SCHIP1: variants seen among roughly 807,000 people sequenced by gnomAD.
The protein encoded by SCHIP1 is schwannomin-interacting protein 1.
A neutral mutation model predicts 29.7 loss-of-function variants in SCHIP1; 8 were observed. That is an observed-to-expected ratio of 0.27 (90% confidence interval 0.16 to 0.49). The LOEUF (loss-of-function observed/expected upper bound fraction) is 0.49. Ranked by LOEUF, SCHIP1 falls within the 20% of genes least tolerant of loss-of-function variation. SCHIP1 has a pLI of 0.99. For synonymous variants in SCHIP1, 76 were observed against 94.9 expected, an observed-to-expected ratio of 0.80 and a Z score of 1.16; for missense variants, 193 against 294.6, an observed-to-expected ratio of 0.66 and a Z score of 2.52.
At chr3:159,367,139 A>C in the SCHIP1 span, among the ~76,000 whole-genome samples, 1 of 152,092 alleles carries the variant, frequency 6.6e-6, no homozygotes, top group Non-Finnish European at 1.5e-5. Flanking sequence ...TCTCTTTAAG[A>C]GCCTCCAGGT....
the SCHIP1 span, among the ~76,000 whole-genome samples, chr3:159,424,265 T>C: frequency 6.6e-6 from 1 of 151,790 alleles, no homozygotes; most frequent in Non-Finnish European, 1.5e-5. Context: ...AAATTCAAAC[T>C]AAAGGCAAAG....
chr3:159,377,993 A>AG, the SCHIP1 span, among the ~76,000 whole-genome samples: 1 of 152,212 alleles, frequency 6.6e-6, no homozygotes, highest in African/African-American at 2.4e-5. Flanking sequence ...GCCAGAAAAT[A>AG]GGATAGGCTT....
chr3:159,695,813 A>G, the SCHIP1 span, among the ~76,000 whole-genome samples: 3 of 152,224 alleles, frequency 2.0e-5, no homozygotes, highest in East Asian at 5.8e-4. Flanking sequence ...AGAGACCACT[A>G]TCCATATAAT....
At chr3:159,561,166 G>C in the SCHIP1 span, among the ~76,000 whole-genome samples, 5 of 152,112 alleles carry the variant, frequency 3.3e-5, no homozygotes, top group African/African-American at 1.2e-4. Flanking sequence ...ATCAGACTAG[G>C]GTCATTATTT....
At chr3:159,522,572 C>T in the SCHIP1 span, among the ~76,000 whole-genome samples, 1 of 152,178 alleles carries the variant, frequency 6.6e-6, no homozygotes, top group Non-Finnish European at 1.5e-5. Flanking sequence ...CTGTGGTTAA[C>T]ATAAAACAGC....
the SCHIP1 span, among the ~76,000 whole-genome samples, chr3:159,668,095 T>C: frequency 0.089 from 13,471 of 151,938 alleles, 1,763 homozygotes; most frequent in African/African-American, 0.28. Flanking sequence ...CCCGGCCAGG[T>C]ACAGTGGCTC....
chr3:159,587,286 A>C, the SCHIP1 span, among the ~76,000 whole-genome samples: 1 of 152,164 alleles, frequency 6.6e-6, no homozygotes, highest in Non-Finnish European at 1.5e-5. Context: ...TTTTCTTTTA[A>C]ACGAAAGTAT....
At chr3:159,782,924 C>G in the SCHIP1 span, among the ~76,000 whole-genome samples, 14 of 152,320 alleles carry the variant, frequency 9.2e-5, no homozygotes, top group African/African-American at 2.9e-4. Flanking sequence ...GTCCTGAAAT[C>G]ACATCTAGCG....
the SCHIP1 span, among the ~76,000 whole-genome samples, chr3:159,662,235 ACAG>A: frequency 2.0e-4 from 30 of 152,330 alleles, no homozygotes; most frequent in African/African-American, 7.0e-4. Flanking sequence ...GGGGAATGAC[ACAG>A]CAGTAGGGGC....
At chr3:159,678,818 G>A in the SCHIP1 span, among the ~76,000 whole-genome samples, 1 of 152,348 alleles carries the variant, frequency 6.6e-6, no homozygotes, top group East Asian at 1.9e-4. Flanking sequence ...CAGAGTGGCA[G>A]AAGACAGAAT....
chr3:159,671,277 C>G, the SCHIP1 span, among the ~76,000 whole-genome samples: 3 of 152,228 alleles, frequency 2.0e-5, no homozygotes, highest in Admixed American at 2.0e-4. Flanking sequence ...GGGCAAGTCC[C>G]TTGTGAGCAC....
chr3:159,882,341 G>T (rs1178727692), intron 2 of SCHIP1, among the ~76,000 whole-genome samples: 1 of 152,060 alleles, frequency 6.6e-6, no homozygotes, highest in Non-Finnish European at 1.5e-5. Context: ...CTGTGGACAG[G>T]GGGATAAAAA....
the SCHIP1 span, among the ~76,000 whole-genome samples, chr3:159,323,882 G>GTTGGT: frequency 2.0e-5 from 3 of 152,182 alleles, no homozygotes; most frequent in African/African-American, 7.2e-5. Context: ...ATCCTATGGA[G>GTTGGT]TTGGTTAGGA....
chr3:159,497,333 A>G, the SCHIP1 span, among the ~76,000 whole-genome samples: 12 of 152,088 alleles, frequency 7.9e-5, no homozygotes, highest in Admixed American at 5.2e-4. Flanking sequence ...CTCTTTATCA[A>G]TAAAGACCCT....
the SCHIP1 span, among the ~76,000 whole-genome samples, chr3:159,480,196 T>A: frequency 2.6e-5 from 4 of 152,306 alleles, no homozygotes; most frequent in African/African-American, 9.6e-5. Context: ...CCATTTTTCT[T>A]TGGTGTTAAA....
chr3:159,351,454 T>A, the SCHIP1 span, among the ~76,000 whole-genome samples: 1 of 152,174 alleles, frequency 6.6e-6, no homozygotes, highest in Non-Finnish European at 1.5e-5. Context: ...GTGTTTTCAA[T>A]GAGTTAGGGG....
the SCHIP1 span, among the ~76,000 whole-genome samples, chr3:159,601,534 A>G: frequency 3.3e-5 from 5 of 151,714 alleles, no homozygotes; most frequent in Admixed American, 1.3e-4. Flanking sequence ...GCAGAGGGGG[A>G]GGAGGGGTCA....
At chr3:159,483,246 C>T in the SCHIP1 span, among the ~76,000 whole-genome samples, 12 of 152,022 alleles carry the variant, frequency 7.9e-5, no homozygotes, top group Admixed American at 1.3e-4. Context: ...GATTTCTATC[C>T]GAAAGACAAG....
chr3:159,480,099 A>G, the SCHIP1 span, among the ~76,000 whole-genome samples: 1 of 152,158 alleles, frequency 6.6e-6, no homozygotes, highest in African/African-American at 2.4e-5. Flanking sequence ...GTCTAAGGTC[A>G]TGGCTTTCCA....
Sources: gnomAD v4.1 joint callset for allele counts (sites outside exome capture counted in the v4.1 genomes callset) on GRCh38, gnomAD v4.1.1 for gene constraint, MANE v1.5 for transcripts, NCBI Gene and HGNC (gene_info 2026-07-23, HGNC 2026-07-21) for gene names.